The following GABRQ variants were observed in gnomAD, a reference collection of about 807,000 sequenced individuals.
GABRQ encodes gamma-aminobutyric acid type A receptor subunit theta, also known as gamma-aminobutyric acid receptor subunit theta.
GABRQ carries 19 observed loss-of-function variants against 30.5 expected under a neutral mutation model. The observed-to-expected ratio is 0.62, with a 90% CI of 0.43 to 0.91. GABRQ has a LOEUF of 0.91. GABRQ is among the 40% of genes least tolerant of loss of function. The pLI is 0.00. For synonymous variants in GABRQ, 187 were observed against 210.2 expected, an observed-to-expected ratio of 0.89 and a Z score of 0.95; for missense variants, 520 against 521.4, an observed-to-expected ratio of 1.00 and a Z score of 0.03.
Position 152,638,224 on chromosome X carries a change from C to T in GABRQ, c.22C>T (p.Arg8Ter). The T allele has an allele frequency of 8.3e-7, 1 of 1,210,751 alleles. No individual in the cohort carries two copies. Among genetic ancestry groups the T allele is most frequent in the African/African-American group, 1.7e-5 (1 of 57,986 alleles). The change falls in exon 1 of 9, where the codon CGA (arginine) becomes TGA (stop). Residue 8 changes from arginine to a stop codon, truncating the protein, a stop_gained. Transcript: ENST00000598523. LOFTEE classifies it high-confidence loss of function. MGIRGML[R>*]AAVILLLIRT... ...GGCCATGGGCATCCGAGGCATGCTG[C>T]GAGCCGCAGTGATCCTGCTGCTCAT... is the stretch of plus-strand genomic sequence containing the variant.
intron 4 of GABRQ, among the ~76,000 whole-genome samples, chrX:152,648,574 C>T (rs1043174109): frequency 9.1e-6 from 1 of 110,185 alleles, no homozygotes; most frequent in Non-Finnish European, 1.9e-5. Flanking sequence ...CTGTGTTAGC[C>T]AGGATGGTCT....
At chrX:152,645,111 A>G (rs1338410317) in intron 2 of GABRQ, among the ~76,000 whole-genome samples, 1 of 105,561 alleles carries the variant, frequency 9.5e-6, no homozygotes, top group Non-Finnish European at 2.0e-5. Flanking sequence ...TCACACAATC[A>G]CTTACACACA....
chrX:152,640,086 C>G (rs781892364), intron 1 of GABRQ, among the ~76,000 whole-genome samples: 1 of 111,145 alleles, frequency 9.0e-6, no homozygotes, highest in African/African-American at 3.3e-5. Flanking sequence ...CTCCTACCGC[C>G]TCCTCTCGTC....
At chrX:152,658,516 G>C (rs369862035), downstream of GABRQ, among the ~76,000 whole-genome samples, 2 of 112,177 alleles carry the variant, frequency 1.8e-5, no homozygotes, top group South Asian at 7.4e-4. Context: ...AAGCAGTGTA[G>C]GGGTCAAAGC....
chrX:152,645,246 T>C (rs782342698), intron 2 of GABRQ, among the ~76,000 whole-genome samples: 1 of 112,464 alleles, frequency 8.9e-6, no homozygotes, highest in East Asian at 2.8e-4. Context: ...GGAAAATGTT[T>C]AGAAGGAGTG....
In GABRQ at chrX:152,653,570, A is replaced by G; in HGVS notation, c.*289A>G. 3.9e-6 allele frequency: 1 copy of G among 258,902 alleles called. No individual in the cohort carries two copies. Among genetic ancestry groups the G allele is most frequent in the East Asian group, 6.5e-5 (1 of 15,468 alleles). 21.3% of individuals were successfully genotyped at this position (258,902 alleles called of 1,213,427 possible). ...ACTTGTAACAAGGAATAAGCATAGA[A>G]AAGCCCCTGGAAATGTTTAGAGGAC... On this transcript the variant is annotated 3_prime_UTR_variant, in exon 9 of 9. Transcript: ENST00000598523.
At position 152,638,036 on chromosome X, in the gene GABRQ, C is replaced by T. The variant is rs1930652748; in HGVS notation, c.-167C>T. ...CGGTATCCGGGCCGACCCCCGCACC[C>T]CCTACTTCCCTTGCCCTCGCTGCTC... On this transcript the variant is annotated 5_prime_UTR_variant, in exon 1 of 9. Coordinates refer to ENST00000598523, the MANE Select transcript of GABRQ (RefSeq NM_018558.4). 2.2e-6 allele frequency: 1 copy of T among 449,098 alleles called. No homozygotes were observed. The highest frequency in any genetic ancestry group is 4.0e-5 in the East Asian group (1 of 25,160). The allele number at this position is 449,098 out of a possible 1,213,427, so 37.0% of individuals were successfully genotyped here.
rs1930869594 is a variant in GABRQ at position 152,645,599 on chromosome X, G to T, written c.306+5G>T. The T allele has an allele frequency of 9.6e-7, 1 of 1,046,180 alleles. No individual in the cohort carries two copies. Among genetic ancestry groups the T allele is most frequent in the Non-Finnish European group, 1.3e-6 (1 of 746,232 alleles). The allele number at this position is 1,046,180 out of a possible 1,213,427, so 86.2% of individuals were successfully genotyped here. A position where few individuals can be genotyped will look rare whatever the true frequency, so the allele number is the denominator to read the frequency against. ...CAGATCTCAGAAATGAATATGGTAA[G>T]TGTGTTATTTCCAGCCATGGGGTTG... On this transcript the variant is annotated splice_donor_5th_base_variant and intron_variant, in intron 3 of 8. Coordinates refer to ENST00000598523, the MANE Select transcript of GABRQ (RefSeq NM_018558.4).
chrX:152,645,487 T>C (rs1556819062), intron 2 of GABRQ, 40 bp from the exon 3 acceptor site: 1 of 855,714 alleles, frequency 1.2e-6, no homozygotes, highest in Admixed American at 2.2e-5. Context: ...TCTTAACCTT[T>C]ATTCTACCTT....
At chrX:152,650,955 A>G (rs1931006606) in intron 7 of GABRQ, among the ~76,000 whole-genome samples, 1 of 111,611 alleles carries the variant, frequency 9.0e-6, no homozygotes. Context: ...AGAGCAGCAC[A>G]AAGACATCCT....
intron 1 of GABRQ, among the ~76,000 whole-genome samples, chrX:152,639,546 C>T (rs782199222): frequency 1.8e-5 from 2 of 111,841 alleles, no homozygotes; most frequent in East Asian, 5.7e-4. Flanking sequence ...ATTGGGTGAG[C>T]GTGTCAGAGA....
chrX:152,638,400 G>C (rs1556817769), intron 1 of GABRQ, 49 bp downstream of exon 1: 3 of 1,149,960 alleles, frequency 2.6e-6, no homozygotes, highest in Admixed American at 4.4e-5. Flanking sequence ...GAATGGAGAC[G>C]GGCAGACGAC....
chrX:152,643,172 TG>T (rs1241960596), intron 2 of GABRQ, among the ~76,000 whole-genome samples: 131 of 112,371 alleles, frequency 1.2e-3, no homozygotes, highest in African/African-American at 4.1e-3. Context: ...TAAAGGCATG[TG>T]GGGAGCCCGA....
Position 152,645,566 on chromosome X carries a change from G to A in GABRQ, c.278G>A (p.Ser93Asn), listed in dbSNP as rs782655114. The A allele has an allele frequency of 1.5e-5, 17 of 1,137,818 alleles. No individual in the cohort carries two copies. The highest frequency in any genetic ancestry group is 3.6e-5 in the South Asian group (2 of 55,088). 93.8% of individuals were successfully genotyped at this position (1,137,818 alleles called of 1,213,427 possible). A position where few individuals can be genotyped will look rare whatever the true frequency, so the allele number is the denominator to read the frequency against. ...GTGAGAATATCTATTTATGTCACGA[G>A]CATTGAACAGATCTCAGAAATGAAT... is the stretch of plus-strand genomic sequence containing the variant. Reference protein sequence around the residue: ...VPVRISIYVTSIEQISEMNMD... With the variant: ...VPVRISIYVTNIEQISEMNMD... Residue 93 changes from serine to asparagine, a missense_variant, in exon 3 of 9, where the codon AGC (serine) becomes AAC (asparagine). By Grantham distance (46) the Ser-to-Asn change is conservative (BLOSUM62 1). Transcript: ENST00000598523.
rs1199789614 is a variant in GABRQ at position 152,655,624 on chromosome X, T to A, written c.*2343T>A. 1 of 111,830 alleles carries A rather than the reference T, an allele frequency of 8.9e-6. No individual in the cohort carries two copies. The highest frequency in any genetic ancestry group is 1.9e-5 in the Non-Finnish European group (1 of 53,146). 9.2% of individuals were successfully genotyped at this position (111,830 alleles called of 1,213,427 possible). On this transcript the variant is annotated 3_prime_UTR_variant, in exon 9 of 9. Transcript: ENST00000598523. The stretch of plus-strand genomic sequence containing the variant: ...GGAAGAGCTAAAATTGCCTCTTTAT[T>A]TTTGGATACCCCATACAGAGATTCA...
At position 152,653,451 on chromosome X, in the gene GABRQ, A is replaced by T. The variant is rs1189652229; in HGVS notation, c.*170A>T. ...GAGGTGGGGAGTAATTGGAAAGAAC[A>T]TGTTCTAGCTGGAAGGGAAGGGATT... On this transcript the variant is annotated 3_prime_UTR_variant, in exon 9 of 9. Transcript: ENST00000598523. 2.3e-6 allele frequency: 1 copy of T among 430,495 alleles called. No individual in the cohort carries two copies. Among genetic ancestry groups the T allele is most frequent in the African/African-American group, 2.5e-5 (1 of 40,501 alleles). The allele number at this position is 430,495 out of a possible 1,213,427, so 35.5% of individuals were successfully genotyped here.
Position 152,650,479 on chromosome X carries a change from G to A in GABRQ, c.800G>A (p.Ser267Asn). The stretch of plus-strand genomic sequence containing the variant: ...TTCCAGGTTCAGAGGGAAGTTAACA[G>A]CTACCTTGTGCAAGTCTACTGGCCT... ...LKFQVQREVNSYLVQVYWPTV... is the reference protein window; with the variant it reads ...LKFQVQREVNNYLVQVYWPTV... The change falls in exon 7 of 9, where the codon AGC becomes AAC. Residue 267 changes from serine (S) to asparagine (N), a missense_variant. Ser to Asn is a conservative substitution (Grantham distance 46, BLOSUM62 1). Coordinates refer to ENST00000598523, the MANE Select transcript of GABRQ (RefSeq NM_018558.4). 1 of 1,202,215 alleles carries A rather than the reference G, an allele frequency of 8.3e-7. No individual in the cohort carries two copies. Among genetic ancestry groups the A allele is most frequent in the African/African-American group, 1.7e-5 (1 of 57,548 alleles).
At position 152,638,104 on chromosome X, in the gene GABRQ, C is replaced by A. The variant is rs1411905138; in HGVS notation, c.-99C>A. 5.2e-6 allele frequency: 4 copies of A among 763,802 alleles called. No individual in the cohort carries two copies. Among genetic ancestry groups the A allele is most frequent in the Non-Finnish European group, 7.5e-6 (4 of 531,259 alleles). The allele number at this position is 763,802 out of a possible 1,213,427, so 62.9% of individuals were successfully genotyped here. A position where few individuals can be genotyped will look rare whatever the true frequency, so the allele number is the denominator to read the frequency against. On this transcript the variant is annotated 5_prime_UTR_variant, in exon 1 of 9. Coordinates refer to ENST00000598523, the MANE Select transcript of GABRQ (RefSeq NM_018558.4). ...CTTTGGGGAAGGGCCAGCAATCCCG[C>A]CTTCCCCGGCCCCAGTAGTCACCCA...
chrX:152,656,335 T>G lies in GABRQ; in HGVS notation c.*3054T>G, dbSNP rs1401207430. On this transcript the variant is annotated 3_prime_UTR_variant, in exon 9 of 9. Transcript: ENST00000598523. The stretch of plus-strand genomic sequence containing the variant: ...TGCAGAATGCTTGGTAGTTTGGAGC[T>G]TGGGCAGCATCTGGGATGCAACAAC... 9.0e-6 allele frequency: 1 copy of G among 111,261 alleles called. No homozygotes were observed. Among genetic ancestry groups the G allele is most frequent in the African/African-American group, 3.3e-5 (1 of 30,498 alleles). 9.2% of individuals were successfully genotyped at this position (111,261 alleles called of 1,213,427 possible).
Sources: allele counts gnomAD v4.1 joint callset (sites outside exome capture counted in the v4.1 genomes callset), GRCh38; gene constraint gnomAD v4.1.1; transcripts MANE v1.5; gene names NCBI Gene and HGNC (gene_info 2026-07-23, HGNC 2026-07-21).